The following TRDN variants were observed in gnomAD, a reference collection of about 807,000 sequenced individuals.
TRDN encodes the protein triadin, also known as triadin in skeletal muscle.
In TRDN, 161 loss-of-function variants were observed where a neutral mutation model predicts 149.7. The observed-to-expected ratio is 1.08, with a 90% CI of 0.95 to 1.23. TRDN has a LOEUF of 1.23. Ranked by LOEUF, TRDN falls within the 50% of genes most tolerant of loss-of-function variation. TRDN has a pLI of 0.00. For missense variants in TRDN, 896 were observed against 823.5 expected (o/e 1.09, Z -1.08); for synonymous variants, 294 against 250.5 (o/e 1.17, Z -1.64).
chr6:123,594,671 A>C (rs1251773529), intron 1 of TRDN, among the ~76,000 whole-genome samples: 1 of 152,044 alleles, frequency 6.6e-6, no homozygotes, highest in Non-Finnish European at 1.5e-5. Flanking sequence ...TTATTCAACA[A>C]AATCCACTAC....
At chr6:123,499,294 A>G (rs1049461119) in intron 8 of TRDN, among the ~76,000 whole-genome samples, 3 of 152,174 alleles carry the variant, frequency 2.0e-5, no homozygotes, top group Non-Finnish European at 4.4e-5. Flanking sequence ...TACTGAATTA[A>G]TTAAAATCTT....
chr6:123,619,686 G>GC (rs1430354097), intron 1 of TRDN, among the ~76,000 whole-genome samples: 1 of 152,042 alleles, frequency 6.6e-6, no homozygotes, highest in Admixed American at 6.6e-5. Flanking sequence ...TCTTGCTGCA[G>GC]CCACTTTTGA....
intron 1 of TRDN, among the ~76,000 whole-genome samples, chr6:123,613,452 AAAGGTAAC>A (rs1784911059): frequency 1.3e-5 from 2 of 152,188 alleles, no homozygotes; most frequent in South Asian, 4.1e-4. Flanking sequence ...CTAATCCATT[AAAGGTAAC>A]ACTATTAATT....
chr6:123,606,762 A>G (rs1357421469), intron 1 of TRDN, among the ~76,000 whole-genome samples: 3 of 152,222 alleles, frequency 2.0e-5, no homozygotes, highest in African/African-American at 7.2e-5. Context: ...TTTTCAAAAA[A>G]TATAGCTTCA....
chr6:123,550,541 T>A (rs1236143564), intron 2 of TRDN, among the ~76,000 whole-genome samples: 1 of 152,034 alleles, frequency 6.6e-6, no homozygotes, highest in African/African-American at 2.4e-5. Context: ...AGTGAGTATA[T>A]TTTTATGCAT....
chr6:123,370,294 CTAAA>C (rs1174792364), intron 19 of TRDN, among the ~76,000 whole-genome samples: 3 of 151,464 alleles, frequency 2.0e-5, no homozygotes, highest in Non-Finnish European at 4.4e-5. Flanking sequence ...GTATTTGTCT[CTAAA>C]TAAAGGTAAG....
intron 27 of TRDN, 92 bp downstream of exon 27, chr6:123,274,548 AT>A: frequency 5.4e-6 from 6 of 1,101,526 alleles, no homozygotes; most frequent in Non-Finnish European, 7.8e-6. Flanking sequence ...GACTATGTGC[AT>A]GTCTCCCTAG....
Position 123,255,137 on chromosome 6 carries a change from G to T in TRDN, c.1907-12C>A. On this transcript the variant is annotated splice_polypyrimidine_tract_variant and intron_variant, in intron 36 of 40. Coordinates refer to ENST00000334268, the MANE Select transcript of TRDN (RefSeq NM_006073.4). ...TTTTCTTGTTGAGACTGTTAATAAG[G>T]AAAATGTAAATTAAAATATAAATTT... 8.4e-7 allele frequency: 1 copy of T among 1,194,978 alleles called. No individual in the cohort carries two copies. The highest frequency in any genetic ancestry group is 1.8e-5 in the South Asian group (1 of 56,998). 74.0% of individuals were successfully genotyped at this position (1,194,978 alleles called of 1,614,324 possible).
Position 123,573,689 on chromosome 6 carries a change from G to A in TRDN, c.23-2557C>T, listed in dbSNP as rs924724627. Among the ~76,000 whole-genome samples, 10 of 152,066 alleles carry A rather than the reference G, an allele frequency of 6.6e-5. No homozygotes were observed. The South Asian group carries it at 8.3e-4, about 13-fold the overall frequency. ...GAGGAACATACAGTATAATTTATCC[G>A]TACAAGTAGAGGCTGTTTTATCCCA... On this transcript the variant is annotated intron_variant, in intron 1 of 40. Coordinates refer to ENST00000334268, the MANE Select transcript of TRDN (RefSeq NM_006073.4).
chr6:123,325,218 A>G (rs1779396832), intron 23 of TRDN, among the ~76,000 whole-genome samples: 2 of 152,136 alleles, frequency 1.3e-5, no homozygotes, highest in South Asian at 4.1e-4. Context: ...ATTCAGCATA[A>G]AAATCTTGGC....
chr6:123,384,045 C>A (rs182252600), intron 14 of TRDN, among the ~76,000 whole-genome samples: 178 of 152,234 alleles, frequency 1.2e-3, no homozygotes, highest in Non-Finnish European at 2.0e-3. Flanking sequence ...AGTTTGTCAT[C>A]AGGAATTTTA....
intron 12 of TRDN, among the ~76,000 whole-genome samples, chr6:123,434,770 T>C (rs1361633791): frequency 6.6e-6 from 1 of 152,154 alleles, no homozygotes; most frequent in Non-Finnish European, 1.5e-5. Flanking sequence ...AGATGATTTT[T>C]TTTTAATTTT....
At chr6:123,395,284 C>T (rs746744377) in intron 12 of TRDN, among the ~76,000 whole-genome samples, 1 of 152,096 alleles carries the variant, frequency 6.6e-6, no homozygotes, top group Non-Finnish European at 1.5e-5. Context: ...TATTAGAGCA[C>T]GGAGGTCACA....
chr6:123,543,463 A>T (rs1436277828), intron 4 of TRDN, among the ~76,000 whole-genome samples: 1 of 152,172 alleles, frequency 6.6e-6, no homozygotes, highest in East Asian at 1.9e-4. Context: ...TGTATTAGTG[A>T]TTAGCTAAGG....
At chr6:123,412,661 T>G (rs1347766630) in intron 12 of TRDN, among the ~76,000 whole-genome samples, 1 of 152,194 alleles carries the variant, frequency 6.6e-6, no homozygotes, top group Non-Finnish European at 1.5e-5. Context: ...GTTACATCTC[T>G]TTATCAACAG....
chr6:123,585,666 G>A (rs1354548640), intron 1 of TRDN, among the ~76,000 whole-genome samples: 2 of 152,194 alleles, frequency 1.3e-5, no homozygotes, highest in Non-Finnish European at 1.5e-5. Flanking sequence ...TTTCCAGTGG[G>A]GTTCCGTACA....
chr6:123,462,002 C>T (rs1776476283), intron 10 of TRDN, among the ~76,000 whole-genome samples: 1 of 152,092 alleles, frequency 6.6e-6, no homozygotes, highest in African/African-American at 2.4e-5. Flanking sequence ...ATTATATTTA[C>T]ATTAGGTTCA....
chr6:123,292,372 C>T (rs1778039640), intron 24 of TRDN, among the ~76,000 whole-genome samples: 1 of 152,046 alleles, frequency 6.6e-6, no homozygotes, highest in South Asian at 2.1e-4. Context: ...GTGTGGGAGC[C>T]AGAGACTAGG....
chr6:123,288,999 G>T (rs1777898232), intron 24 of TRDN, among the ~76,000 whole-genome samples: 1 of 146,660 alleles, frequency 6.8e-6, no homozygotes, highest in African/African-American at 2.5e-5. Context: ...CAAATATATG[G>T]ATTTAAAAAT....
Sources: allele counts gnomAD v4.1 joint callset (sites outside exome capture counted in the v4.1 genomes callset), GRCh38; gene constraint gnomAD v4.1.1; transcripts MANE v1.5; gene names NCBI Gene and HGNC (gene_info 2026-07-23, HGNC 2026-07-21).